Variants in TXNL4A observed in about 807,000 individuals in gnomAD.
TXNL4A encodes the protein thioredoxin-like protein 4A.
A neutral mutation model predicts 14.6 loss-of-function variants in TXNL4A; 17 were observed. That is an observed-to-expected ratio of 1.16 (90% CI 0.80 to 1.74). The LOEUF (loss-of-function observed/expected upper bound fraction) is 1.74, where lower values mean the gene tolerates loss of function less well. TXNL4A is among the 40% of genes most tolerant of loss of function. TXNL4A has a pLI of 0.00. For missense variants in TXNL4A, 74 were observed against 195.2 expected (o/e 0.38, Z 3.70); for synonymous variants, 83 against 70.6 (o/e 1.18, Z -0.88).
chr18:80,023,735 C>T (rs1212014589), intron 1 of TXNL4A, among the ~76,000 whole-genome samples: 2 of 152,086 alleles, frequency 1.3e-5, no homozygotes, highest in East Asian at 1.9e-4. Flanking sequence ...ATATTGAATT[C>T]CCTGCTTCTA....
At chr18:80,007,373 C>G (rs1195097835) in intron 1 of TXNL4A, among the ~76,000 whole-genome samples, 2 of 152,206 alleles carry the variant, frequency 1.3e-5, no homozygotes, top group Admixed American at 1.3e-4. Context: ...ATTGACTGAG[C>G]AATCTAGGGG....
intron 1 of TXNL4A, among the ~76,000 whole-genome samples, chr18:80,014,473 T>C (rs547367219): frequency 2.2e-4 from 34 of 152,312 alleles, no homozygotes; most frequent in Non-Finnish European, 8.8e-5. Context: ...CAGTCAAATA[T>C]TAAGGCTCCA....
At chr18:79,988,210 C>A (rs761626681) in intron 1 of TXNL4A, 30 bp downstream of exon 1, 5 of 1,485,666 alleles carry the variant, frequency 3.4e-6, no homozygotes, top group Non-Finnish European at 4.6e-6. Flanking sequence ...GGAAGCACAG[C>A]CCGCAGAGCG....
chr18:79,974,264 C>T (rs569029612), intron 2 of TXNL4A, among the ~76,000 whole-genome samples: 23 of 152,264 alleles, frequency 1.5e-4, no homozygotes, highest in African/African-American at 5.3e-4. Context: ...ACTAATTTAC[C>T]TGATAAAAGC....
At chr18:80,020,483 C>A (rs778567105) in intron 1 of TXNL4A, among the ~76,000 whole-genome samples, 1 of 152,208 alleles carries the variant, frequency 6.6e-6, no homozygotes, top group Non-Finnish European at 1.5e-5. Context: ...CAGAGGCAAG[C>A]TGGCCATTTT....
intron 1 of TXNL4A, among the ~76,000 whole-genome samples, chr18:80,007,777 G>A (rs11874998): frequency 2.0e-4 from 30 of 152,072 alleles, no homozygotes; most frequent in African/African-American, 4.6e-4. Flanking sequence ...ATCAGATGCC[G>A]TCTTCAGATA....
chr18:80,011,814 G>A lies in TXNL4A; in HGVS notation c.-61+22037C>T, dbSNP rs1355535880. 6.6e-6 allele frequency among the ~76,000 whole-genome samples: 1 copy of A among 151,500 alleles called. No homozygotes were observed. Among genetic ancestry groups the A allele is most frequent in the Non-Finnish European group, 1.5e-5 (1 of 67,892 alleles). On this transcript the variant is annotated intron_variant, in intron 1 of 2. Transcript: ENST00000585474. This position sits in a 1 kb window ranked among gnomAD's most constrained non-coding sequence, Gnocchi z 4.1. Reference sequence around the variant, plus strand: ...ACTATATATATATATTTTATGTGAAGTTTACTCTCTATAAAGTTTGGATGA... The same window carrying A: ...ACTATATATATATATTTTATGTGAAATTTACTCTCTATAAAGTTTGGATGA...
intron 1 of TXNL4A, among the ~76,000 whole-genome samples, chr18:80,031,204 G>A (rs2145133767): frequency 6.6e-6 from 1 of 152,222 alleles, no homozygotes; most frequent in East Asian, 1.9e-4. Context: ...TGTGCTGGGA[G>A]CAAAGAAATC....
At position 79,971,696 on chromosome 18, in the gene TXNL4A, C is replaced by A; in HGVS notation, c.*1989G>T. ...CTTTGCCACCAGCAGTGTGTGAGGGCTCCAATTTCTCCACATCCTTGCAAA... is the reference window on the plus strand; with the variant it reads ...CTTTGCCACCAGCAGTGTGTGAGGGATCCAATTTCTCCACATCCTTGCAAA... On this transcript the variant is annotated 3_prime_UTR_variant, in exon 3 of 3. Transcript: ENST00000269601. The A allele has an allele frequency of 6.6e-6, 1 of 152,338 alleles. No homozygotes were observed. The allele number at this position is 152,338 out of a possible 1,614,324, so 9.4% of individuals were successfully genotyped here.
chr18:80,004,286 G>T (rs1421467373), intron 1 of TXNL4A, among the ~76,000 whole-genome samples: 1 of 152,116 alleles, frequency 6.6e-6, no homozygotes, highest in Non-Finnish European at 1.5e-5. Context: ...GCAGCCTGAG[G>T]CCTGACACCA....
intron 1 of TXNL4A, among the ~76,000 whole-genome samples, chr18:79,980,775 G>A (rs1568364697): frequency 1.3e-5 from 2 of 152,090 alleles, no homozygotes; most frequent in South Asian, 4.2e-4. Context: ...CACTGCAGGA[G>A]CATGCAACTC....
chr18:80,032,942 G>T (rs568897890), intron 1 of TXNL4A, among the ~76,000 whole-genome samples: 1 of 113,512 alleles, frequency 8.8e-6, no homozygotes, highest in East Asian at 3.1e-4. Context: ...TTTTGTCTGC[G>T]TTATCTTATG....
chr18:80,016,676 T>A (rs1434080069), intron 1 of TXNL4A, among the ~76,000 whole-genome samples: 1 of 152,268 alleles, frequency 6.6e-6, no homozygotes, highest in East Asian at 1.9e-4. Context: ...TAGTTGTAGA[T>A]ATGCAGCGTT....
upstream of TXNL4A, among the ~76,000 whole-genome samples, chr18:79,992,896 A>AAAAAAAAC (rs2051637179): frequency 6.6e-6 from 1 of 151,388 alleles, no homozygotes. Context: ...AAAAAAAAAA[A>AAAAAAAAC]AAAAATGCAG....
At chr18:80,015,512 T>G (rs376223267) in intron 1 of TXNL4A, among the ~76,000 whole-genome samples, 1 of 141,314 alleles carries the variant, frequency 7.1e-6, no homozygotes, top group Admixed American at 7.0e-5. Context: ...CCCTCCCCCC[T>G]ACCCCCACCC....
intron 1 of TXNL4A, among the ~76,000 whole-genome samples, chr18:79,995,918 T>C (rs905335953): frequency 4.6e-5 from 7 of 151,704 alleles, no homozygotes; most frequent in Admixed American, 1.3e-4. Flanking sequence ...TTGGCTAACA[T>C]GGTGAAACCC....
At chr18:80,000,995 G>C (rs2051695070) in intron 1 of TXNL4A, among the ~76,000 whole-genome samples, 1 of 152,236 alleles carries the variant, frequency 6.6e-6, no homozygotes, top group Admixed American at 6.5e-5. Context: ...GGGCATGTCA[G>C]AGACATTCGT....
chr18:80,015,569 T>A (rs2051802796), intron 1 of TXNL4A, among the ~76,000 whole-genome samples: 2 of 151,634 alleles, frequency 1.3e-5, no homozygotes, highest in Admixed American at 1.3e-4. Context: ...TGTCCATGTG[T>A]TCTCATGGTT....
upstream of TXNL4A, among the ~76,000 whole-genome samples, chr18:79,992,032 C>G (rs907714249): frequency 5.3e-5 from 8 of 152,208 alleles, no homozygotes; most frequent in African/African-American, 1.9e-4. Context: ...GGGAAGGGGG[C>G]TTCCAGGTCA....
Sources: allele counts gnomAD v4.1 joint callset (sites outside exome capture counted in the v4.1 genomes callset), GRCh38; gene constraint gnomAD v4.1.1; non-coding constraint Gnocchi (gnomAD v3.1); transcripts MANE v1.5; gene names NCBI Gene and HGNC (gene_info 2026-07-23, HGNC 2026-07-21).